Variants in ACVR1 observed in about 807,000 individuals in gnomAD.
The protein encoded by ACVR1 is activin A receptor type 1, also known as activin receptor type-1.
Under a neutral mutation model 57.1 loss-of-function variants are expected in ACVR1, and 38 were observed. That is an observed-to-expected ratio of 0.67 (90% CI 0.51 to 0.87). The LOEUF is 0.87. Ranked by LOEUF, ACVR1 falls within the 40% of genes least tolerant of loss-of-function variation. The probability of loss-of-function intolerance (pLI) is 0.00; values close to 1 mark genes in which losing one functional copy is unlikely to be tolerated. For missense variants in ACVR1, 463 were observed against 638.2 expected (o/e 0.73, Z 2.96); for synonymous variants, 212 against 228.1 (o/e 0.93, Z 0.63).
intron 3 of ACVR1, among the ~76,000 whole-genome samples, chr2:157,789,171 T>C (rs899779870): frequency 3.3e-5 from 5 of 152,196 alleles, no homozygotes; most frequent in Admixed American, 2.0e-4. Context: ...TGTCCTTTTT[T>C]ACCCCTGGGC....
At chr2:157,826,146 G>A (rs1688340387) in intron 1 of ACVR1, among the ~76,000 whole-genome samples, 1 of 152,124 alleles carries the variant, frequency 6.6e-6, no homozygotes, top group Non-Finnish European at 1.5e-5. Context: ...CACCCACCAG[G>A]CCAGGACCAG....
chr2:157,778,361 G>C lies in ACVR1; in HGVS notation c.332-19C>G, dbSNP rs1686374406. 2.5e-6 allele frequency: 4 copies of C among 1,596,648 alleles called. No homozygotes were observed. Among genetic ancestry groups the C allele is most frequent in the Non-Finnish European group, 3.4e-6 (4 of 1,165,992 alleles). On this transcript the variant is annotated intron_variant, in intron 4 of 10. Coordinates refer to ENST00000434821, the MANE Select transcript of ACVR1 (RefSeq NM_001111067.4). ...GATTTTCCTGGAGTTGGAGGGAAAA[G>C]GGGGAATTAGTTGTAAGGATCACTG...
intron 9 of ACVR1, among the ~76,000 whole-genome samples, chr2:157,758,367 T>A (rs559428304): frequency 6.6e-6 from 1 of 152,088 alleles, no homozygotes; most frequent in East Asian, 1.9e-4. Context: ...AAGTAGGCCC[T>A]CTATATACTC....
chr2:157,849,287 T>C (rs898881351), intron 1 of ACVR1, among the ~76,000 whole-genome samples: 26 of 152,356 alleles, frequency 1.7e-4, no homozygotes, highest in African/African-American at 6.3e-4. Flanking sequence ...AACAGTTCGT[T>C]GGACAAGCAC....
At chr2:157,812,426 A>C (rs1233783749) in intron 2 of ACVR1, among the ~76,000 whole-genome samples, 2 of 152,214 alleles carry the variant, frequency 1.3e-5, no homozygotes, top group Non-Finnish European at 2.9e-5. Context: ...CATTAAAAAA[A>C]AGGCAAGGAG....
chr2:157,758,573 A>G (rs1685519362), intron 9 of ACVR1, among the ~76,000 whole-genome samples: 1 of 152,060 alleles, frequency 6.6e-6, no homozygotes, highest in Non-Finnish European at 1.5e-5. Flanking sequence ...TTAAACCTAA[A>G]GAGACAAATA....
chr2:157,756,975 A>C (rs1349004020), intron 9 of ACVR1, among the ~76,000 whole-genome samples: 1 of 144,558 alleles, frequency 6.9e-6, no homozygotes. Flanking sequence ...ATATATATTT[A>C]TATATATATA....
intron 7 of ACVR1, among the ~76,000 whole-genome samples, chr2:157,768,539 T>G (rs1685959130): frequency 6.6e-6 from 1 of 152,172 alleles, no homozygotes; most frequent in African/African-American, 2.4e-5. Flanking sequence ...ACTAAGCCCC[T>G]TAGGTCTTAG....
intron 1 of ACVR1, among the ~76,000 whole-genome samples, chr2:157,829,683 C>T (rs1688513699): frequency 6.6e-6 from 1 of 152,146 alleles, no homozygotes. Context: ...TGTCTTTTTT[C>T]ATCTGGCAAA....
rs201428380 is a variant in ACVR1, at chr2:157,821,535, AAAAATAAAAAAAT to A, written c.-182-2989_-182-2977del. 5.3e-5 allele frequency among the ~76,000 whole-genome samples: 8 copies of A among 152,146 alleles called. No homozygotes were observed. The East Asian group carries it at 7.7e-4, about 15-fold the overall frequency. On this transcript the variant is annotated intron_variant, in intron 1 of 10. Coordinates refer to ENST00000434821, the MANE Select transcript of ACVR1 (RefSeq NM_001111067.4). ...AGGGAGAATTTGTCTAAAAAAAATA[AAAAATAAAAAAAT>A]AAAATAAAAAAATCAGTGCCATGAA... is the stretch of plus-strand genomic sequence containing the variant.
chr2:157,746,602 C>T (rs776593450), intron 9 of ACVR1, among the ~76,000 whole-genome samples: 3 of 152,252 alleles, frequency 2.0e-5, no homozygotes, highest in Non-Finnish European at 4.4e-5. Context: ...CAAAAACTCT[C>T]GTGTGTATTT....
chr2:157,758,269 T>C (rs542240951), intron 9 of ACVR1, among the ~76,000 whole-genome samples: 1 of 152,112 alleles, frequency 6.6e-6, no homozygotes, highest in Admixed American at 6.5e-5. Context: ...TCAGTATACA[T>C]GGAAGATTGG....
intron 3 of ACVR1, among the ~76,000 whole-genome samples, chr2:157,797,784 T>A (rs1388981207): frequency 6.6e-6 from 1 of 152,174 alleles, no homozygotes; most frequent in Non-Finnish European, 1.5e-5. Context: ...ATTAGACTCC[T>A]AGGGCCTGAA....
intron 1 of ACVR1, among the ~76,000 whole-genome samples, chr2:157,846,078 A>G (rs1689119040): frequency 6.6e-6 from 1 of 152,218 alleles, no homozygotes; most frequent in Non-Finnish European, 1.5e-5. Context: ...TTAAATTAAG[A>G]GTTTTGAGAT....
chr2:157,834,383 A>G (rs1020357735), intron 1 of ACVR1, among the ~76,000 whole-genome samples: 6 of 152,112 alleles, frequency 3.9e-5, no homozygotes, highest in African/African-American at 1.4e-4. Context: ...GTGACCCACC[A>G]TGCCCAGCCT....
At chr2:157,756,821 A>C (rs1267080093) in intron 9 of ACVR1, among the ~76,000 whole-genome samples, 1 of 151,728 alleles carries the variant, frequency 6.6e-6, no homozygotes, top group African/African-American at 2.4e-5. Flanking sequence ...GAGGAAAAGA[A>C]GTCACTATAC....
chr2:157,765,796 T>C, intron 8 of ACVR1, 125 bp downstream of exon 8: 2 of 924,466 alleles, frequency 2.2e-6, no homozygotes, highest in Non-Finnish European at 3.4e-6. Context: ...GTGTTCATTG[T>C]AAATGTTCAA....
rs185993344 is a variant in ACVR1 at position 157,756,067 on chromosome 2, G to C, written c.1264+4813C>G. ...GCAAAAAAAAACATAAAGTGGGGAA[G>C]GATGTCCTATTCAACAAATGGTGCT... On this transcript the variant is annotated intron_variant, in intron 9 of 10. Transcript: ENST00000434821. Among the ~76,000 whole-genome samples the C allele has an allele frequency of 1.2e-4, 18 of 151,972 alleles. No individual in the cohort carries two copies. In the East Asian group the frequency reaches 3.5e-3, roughly 29 times the overall value.
chr2:157,799,366 T>C (rs907561477), intron 3 of ACVR1, 61 bp downstream of exon 3: 2 of 1,051,298 alleles, frequency 1.9e-6, no homozygotes, highest in African/African-American at 4.4e-5. Context: ...TAGTTTATAG[T>C]AAGCCAAAAA....
Sources: gnomAD v4.1 joint callset for allele counts (sites outside exome capture counted in the v4.1 genomes callset) on GRCh38, gnomAD v4.1.1 for gene constraint, MANE v1.5 for transcripts, NCBI Gene and HGNC (gene_info 2026-07-23, HGNC 2026-07-21) for gene names.